PDCD2L: variants seen among roughly 807,000 people sequenced by gnomAD.
PDCD2L encodes uS5 assembly chaperone PDCD2L.
In PDCD2L, 44 loss-of-function variants were observed where a neutral mutation model predicts 40.4. That is an observed-to-expected ratio of 1.09 (90% CI 0.86 to 1.40). The LOEUF is 1.40. Among genes scored for constraint, PDCD2L ranks in the 40% most tolerant of loss-of-function variants. PDCD2L has a pLI of 0.00. For synonymous variants in PDCD2L, 194 were observed against 174.6 expected, an observed-to-expected ratio of 1.11 and a Z score of -0.88; for missense variants, 470 against 453.7, an observed-to-expected ratio of 1.04 and a Z score of -0.33.
At chr19:34,411,148 A>G (rs1599870999) in intron 4 of PDCD2L, among the ~76,000 whole-genome samples, 1 of 142,192 alleles carries the variant, frequency 7.0e-6, no homozygotes, top group Non-Finnish European at 1.5e-5. Flanking sequence ...GTTTCTTCAG[A>G]CTAGAGTATT....
chr19:34,404,839 G>T, intron 2 of PDCD2L, 24 bp downstream of exon 2: 1 of 1,604,168 alleles, frequency 6.2e-7, no homozygotes. Flanking sequence ...TCCCAGAGCT[G>T]CTCCAGGGGT....
chr19:34,411,581 CAG>C (rs950668869), intron 4 of PDCD2L, among the ~76,000 whole-genome samples: 29 of 152,046 alleles, frequency 1.9e-4, no homozygotes, highest in Admixed American at 2.0e-4. Flanking sequence ...CTCCTGGCCT[CAG>C]GGGATCCTCT....
At chr19:34,406,391 T>A (rs1343797642) in intron 3 of PDCD2L, among the ~76,000 whole-genome samples, 3 of 151,368 alleles carry the variant, frequency 2.0e-5, no homozygotes, top group East Asian at 1.9e-4. Flanking sequence ...TACTCTTATT[T>A]TTTTTTTTTT....
chr19:34,416,912 G>A (rs1013553904), intron 5 of PDCD2L, among the ~76,000 whole-genome samples: 1 of 152,030 alleles, frequency 6.6e-6, no homozygotes, highest in Non-Finnish European at 1.5e-5. Flanking sequence ...TCAGTAGATC[G>A]AGACCATTCC....
chr19:34,405,531 G>A lies in PDCD2L; in HGVS notation c.336+541G>A, dbSNP rs78217878. ...ACTCCTTTGTTAAAAGGAGATGGAGGCCCAGCATGGTGGCTCACGCCTGTG... is the reference window on the plus strand; with the variant it reads ...ACTCCTTTGTTAAAAGGAGATGGAGACCCAGCATGGTGGCTCACGCCTGTG... On this transcript the variant is annotated intron_variant, in intron 3 of 6. Transcript: ENST00000246535. Among the ~76,000 whole-genome samples the A allele has an allele frequency of 1.9e-3, 282 of 151,990 alleles. 3 individuals are homozygous for A. The highest frequency in any genetic ancestry group is 6.3e-3 in the African/African-American group (263 of 41,470).
At position 34,421,686 on chromosome 19, in the gene PDCD2L, A is replaced by G; in HGVS notation, c.946+19A>G. ...AATTTAGGTGAGAAGCCCTTTATTA[A>G]TTTGAGTTTGTGGATTTCTGGCATT... On this transcript the variant is annotated intron_variant, in intron 6 of 6. Coordinates refer to ENST00000246535, the MANE Select transcript of PDCD2L (RefSeq NM_032346.2). 1 of 1,576,206 alleles carries G rather than the reference A, an allele frequency of 6.3e-7. No individual in the cohort carries two copies. The highest frequency in any genetic ancestry group is 1.9e-5 in the Admixed American group (1 of 53,634).
chr19:34,406,898 T>C (rs1305205520), intron 3 of PDCD2L, among the ~76,000 whole-genome samples: 1 of 140,020 alleles, frequency 7.1e-6, no homozygotes, highest in Non-Finnish European at 1.5e-5. Context: ...AATGGCACAA[T>C]CTCAGCTCAC....
chr19:34,417,191 A>G (rs1055300613), intron 5 of PDCD2L, among the ~76,000 whole-genome samples: 1 of 152,230 alleles, frequency 6.6e-6, no homozygotes, highest in African/African-American at 2.4e-5. Context: ...TAAGAACTTC[A>G]TAAGAATGGA....
intron 3 of PDCD2L, among the ~76,000 whole-genome samples, chr19:34,407,340 C>T (rs1237571508): frequency 6.6e-6 from 1 of 151,640 alleles, no homozygotes; most frequent in Non-Finnish European, 1.5e-5. Context: ...TGGGGTTTCA[C>T]CGTGTAGCCA....
At chr19:34,422,812 T>C (rs2075158514) in intron 6 of PDCD2L, among the ~76,000 whole-genome samples, 1 of 151,588 alleles carries the variant, frequency 6.6e-6, no homozygotes, top group African/African-American at 2.4e-5. Flanking sequence ...GCCTCCCGGG[T>C]TCATGCCATT....
intron 6 of PDCD2L, among the ~76,000 whole-genome samples, chr19:34,423,745 T>TC (rs1039953261): frequency 5.9e-5 from 9 of 151,448 alleles, no homozygotes; most frequent in Non-Finnish European, 1.3e-4. Context: ...CACCTCGACC[T>TC]CCCAAAGTGC....
At chr19:34,418,447 T>C (rs1025845408) in intron 5 of PDCD2L, among the ~76,000 whole-genome samples, 23 of 152,328 alleles carry the variant, frequency 1.5e-4, no homozygotes, top group African/African-American at 5.1e-4. Context: ...TTCATTCTTA[T>C]TGCATGTATC....
chr19:34,409,544 C>T, intron 4 of PDCD2L, 34 bp downstream of exon 4: 1 of 1,576,964 alleles, frequency 6.3e-7, no homozygotes, highest in Non-Finnish European at 8.7e-7. Flanking sequence ...TGAGAGGTGA[C>T]TGGATTGGGA....
rs370032817 is a variant in PDCD2L at position 34,411,395 on chromosome 19, TCA to T, written c.686+1887_686+1888del. 7.9e-3 allele frequency among the ~76,000 whole-genome samples: 1,193 copies of T among 151,224 alleles called. 5 individuals are homozygous for T. The highest frequency in any genetic ancestry group is 9.7e-3 in the Non-Finnish European group (655 of 67,738). On this transcript the variant is annotated intron_variant, in intron 4 of 6. Transcript: ENST00000246535. Reference sequence around the variant, plus strand: ...GCTGGGACCATAGGCGTGCGCCACTTCACCCAGCTAATTTTTGTATTTTCTTT... The same window carrying T: ...GCTGGGACCATAGGCGTGCGCCACTTCCCAGCTAATTTTTGTATTTTCTTT...
At chr19:34,421,821 G>A (rs1405944926) in intron 6 of PDCD2L, among the ~76,000 whole-genome samples, 154 bp downstream of exon 6, 8 of 152,056 alleles carry the variant, frequency 5.3e-5, no homozygotes, top group African/African-American at 9.7e-5. Context: ...CAGGTGTGGT[G>A]GCTCATGCCT....
rs61741229 is a variant in PDCD2L, at chr19:34,404,477, C to T, written c.47C>T (p.Pro16Leu). 8.6e-5 allele frequency: 133 copies of T among 1,544,152 alleles called. No homozygotes were observed. The African/African-American group carries it at 1.2e-3, about 13-fold the overall frequency. The change falls in exon 1 of 7, where the codon CCG becomes CTG. Residue 16 changes from proline to leucine, a missense_variant. By Grantham distance (98) the Pro-to-Leu change is moderately conservative. Transcript: ENST00000246535. ...GTGCTGCTGGGCCTTCGAGATGCGC[C>T]GGTGCACGGCAGCCCCACAGGGCCG... is the stretch of plus-strand genomic sequence containing the variant. Reference protein sequence around the residue: ...KPVLLGLRDAPVHGSPTGPGA... With the variant: ...KPVLLGLRDALVHGSPTGPGA...
At chr19:34,410,545 C>T (rs2075097514) in intron 4 of PDCD2L, among the ~76,000 whole-genome samples, 1 of 152,086 alleles carries the variant, frequency 6.6e-6, no homozygotes, top group Non-Finnish European at 1.5e-5. Context: ...AGCCATTGTG[C>T]CTGGCCTAAA....
intron 6 of PDCD2L, 136 bp downstream of exon 6, chr19:34,421,803 AT>A: frequency 8.4e-7 from 1 of 1,192,098 alleles, no homozygotes; most frequent in Non-Finnish European, 1.1e-6. Context: ...ATTTTAAGAA[AT>A]TTAGGCCAGG....
At chr19:34,413,689 A>G (rs1315478851) in intron 4 of PDCD2L, 48 bp from the exon 5 acceptor site, 2 of 1,147,306 alleles carry the variant, frequency 1.7e-6, no homozygotes, top group African/African-American at 3.1e-5. Context: ...AAATGCTGTA[A>G]TTTTCTGGAT....
Sources: gnomAD v4.1 joint callset for allele counts (sites outside exome capture counted in the v4.1 genomes callset) on GRCh38, gnomAD v4.1.1 for gene constraint, MANE v1.5 for transcripts, NCBI Gene and HGNC (gene_info 2026-07-23, HGNC 2026-07-21) for gene names.